TRMT9B: variants seen among roughly 807,000 people sequenced by gnomAD.
TRMT9B encodes tRNA methyltransferase 9B (putative).
TRMT9B carries 16 observed loss-of-function variants against 11.5 expected under a neutral mutation model. The ratio of observed to expected loss-of-function variants is 1.39; its 90% CI spans 0.94 to 2.11. TRMT9B has a LOEUF of 2.11. TRMT9B is among the 30% of genes most tolerant of loss of function. TRMT9B has a pLI of 0.00. For synonymous variants in TRMT9B, 274 were observed against 192.4 expected (o/e 1.42, Z -3.51); for missense variants, 941 against 553.8 (o/e 1.70, Z -7.02).
Position 13,005,639 on chromosome 8 carries a change from C to A in TRMT9B, c.-1-563C>A, listed in dbSNP as rs550536078. ...CTATATTTTACAAAAATAATTATGA[C>A]GTAATTGAAATTGGGAAAAGCATTG... On this transcript the variant is annotated intron_variant, in intron 2 of 4. Transcript: ENST00000524591. 8.5e-5 allele frequency among the ~76,000 whole-genome samples: 13 copies of A among 152,142 alleles called. No homozygotes were observed. In the South Asian group the frequency reaches 2.7e-3, roughly 32 times the overall value.
intron 1 of TRMT9B, among the ~76,000 whole-genome samples, chr8:12,968,948 A>C (rs1423188277): frequency 3.3e-5 from 5 of 152,232 alleles, no homozygotes; most frequent in African/African-American, 1.2e-4. Flanking sequence ...GAGGTGGCTC[A>C]TGCCTGTAAT....
At chr8:12,956,936 G>A (rs1249473739) in intron 1 of TRMT9B, among the ~76,000 whole-genome samples, 1 of 152,140 alleles carries the variant, frequency 6.6e-6, no homozygotes, top group Non-Finnish European at 1.5e-5. Context: ...AATTACATTA[G>A]CACATCAAGG....
chr8:13,014,939 T>G (rs576211792), intron 4 of TRMT9B, among the ~76,000 whole-genome samples: 188 of 152,038 alleles, frequency 1.2e-3, no homozygotes, highest in African/African-American at 4.2e-3. Flanking sequence ...TGAGCACTTG[T>G]AATCCCACTA....
At chr8:12,989,195 C>T (rs763817146) in intron 1 of TRMT9B, among the ~76,000 whole-genome samples, 5 of 152,080 alleles carry the variant, frequency 3.3e-5, no homozygotes, top group African/African-American at 1.2e-4. Flanking sequence ...CAGACCTTGC[C>T]CTAGAAGATG....
chr8:12,951,417 T>A (rs994413149), intron 1 of TRMT9B: 5 of 152,278 alleles, frequency 3.3e-5, no homozygotes, highest in Non-Finnish European at 5.9e-5. Flanking sequence ...GACCAGGTGC[T>A]CCCGCCGGGG....
chr8:13,028,394 ATT>A lies in TRMT9B; in HGVS notation c.*6353_*6354del, dbSNP rs1247510521. ...ATTAATACATCCACAGGAAAAATAC[ATT>A]TTCTCCACATGGAATATTGATTTTT... On this transcript the variant is annotated 3_prime_UTR_variant, in exon 5 of 5. Transcript: ENST00000524591. 6.0e-6 allele frequency: 1 copy of A among 166,864 alleles called. No homozygotes were observed. Among genetic ancestry groups the A allele is most frequent in the East Asian group, 1.9e-4 (1 of 5,182 alleles). The allele number at this position is 166,864 out of a possible 1,614,324, so 10.3% of individuals were successfully genotyped here.
intron 4 of TRMT9B, among the ~76,000 whole-genome samples, chr8:13,016,313 T>C (rs1161451493): frequency 2.1e-5 from 3 of 143,170 alleles, no homozygotes; most frequent in Non-Finnish European, 4.5e-5. Context: ...AGATGAGGCA[T>C]AAGAGAGATA....
chr8:12,950,377 C>T (rs901816868), intron 1 of TRMT9B, among the ~76,000 whole-genome samples: 3 of 152,192 alleles, frequency 2.0e-5, no homozygotes, highest in Non-Finnish European at 4.4e-5. Flanking sequence ...TCTCCTAATG[C>T]ACTGTTAGAA....
At chr8:12,957,048 G>A (rs147458046) in intron 1 of TRMT9B, among the ~76,000 whole-genome samples, 1 of 152,158 alleles carries the variant, frequency 6.6e-6, no homozygotes, top group Admixed American at 6.5e-5. Context: ...TAACAATAAG[G>A]TTATGATAGT....
chr8:13,010,590 G>A (rs2128893531), intron 3 of TRMT9B: 1 of 985,302 alleles, frequency 1.0e-6, no homozygotes, highest in Non-Finnish European at 1.2e-6. Flanking sequence ...CTAGGGCACT[G>A]GAAGCATGTC....
chr8:12,955,279 A>G lies in TRMT9B; in HGVS notation c.-200+9313A>G, dbSNP rs573659419. The stretch of plus-strand genomic sequence containing the variant: ...CTTCTCCACCCTAGACAGGCCTTTG[A>G]CTCAGCTAGGTTAAAGAAGTAACCT... On this transcript the variant is annotated intron_variant, in intron 1 of 4. Transcript: ENST00000524591. Among the ~76,000 whole-genome samples, 73 of 152,218 alleles carry G rather than the reference A, an allele frequency of 4.8e-4. 1 individual carries two copies. The highest frequency in any genetic ancestry group is 1.6e-3 in the African/African-American group (67 of 41,552).
At chr8:13,018,457 T>G (rs890965939) in intron 4 of TRMT9B, among the ~76,000 whole-genome samples, 1 of 151,482 alleles carries the variant, frequency 6.6e-6, no homozygotes, top group Non-Finnish European at 1.5e-5. Context: ...AAATTCTGAA[T>G]GTTGATGTAT....
intron 1 of TRMT9B, among the ~76,000 whole-genome samples, chr8:12,949,377 C>T (rs1476360337): frequency 1.3e-5 from 2 of 152,134 alleles, no homozygotes; most frequent in African/African-American, 4.8e-5. Flanking sequence ...TTTATCCTTT[C>T]CTCCTTTTTG....
chr8:13,011,229 G>C (rs1038140953), intron 3 of TRMT9B: 2 of 833,806 alleles, frequency 2.4e-6, no homozygotes, highest in African/African-American at 1.9e-5. Flanking sequence ...CAAGTGATCC[G>C]CCCACCACAG....
intron 3 of TRMT9B, chr8:13,010,445 A>G: frequency 2.0e-6 from 2 of 985,204 alleles, no homozygotes; most frequent in Non-Finnish European, 2.4e-6. Flanking sequence ...AGGTTTTTCC[A>G]CTTAGCTAAA....
At position 13,021,085 on chromosome 8, in the gene TRMT9B, C is replaced by T; in HGVS notation, c.406C>T (p.Gln136Ter). The change falls in exon 5 of 5, where the codon CAA (glutamine) becomes TAA (stop). Residue 136 changes from glutamine (Q) to a stop codon, truncating the protein, a stop_gained. Coordinates refer to ENST00000524591, the MANE Select transcript of TRMT9B (RefSeq NM_020844.3). LOFTEE classifies it low-confidence loss of function (END_TRUNC). The stretch of plus-strand genomic sequence containing the variant: ...GGCCAGGGTCTTAGTTCCCGGAGGC[C>T]AACTGATGATTTACGTTTGGGCAAT... Reference protein sequence around the residue: ...EMARVLVPGGQLMIYVWAMEQ... With the variant: ...EMARVLVPGG 6.2e-7 allele frequency: 1 copy of T among 1,607,878 alleles called. No individual in the cohort carries two copies. Among genetic ancestry groups the T allele is most frequent in the Non-Finnish European group, 8.5e-7 (1 of 1,176,624 alleles).
At chr8:13,019,157 G>A (rs181522837) in intron 4 of TRMT9B, among the ~76,000 whole-genome samples, 6 of 152,164 alleles carry the variant, frequency 3.9e-5, no homozygotes, top group Admixed American at 2.0e-4. Flanking sequence ...GGGCAAATTC[G>A]CAAATACAGA....
chr8:13,019,148 G>A (rs1397862160), intron 4 of TRMT9B, among the ~76,000 whole-genome samples: 1 of 151,918 alleles, frequency 6.6e-6, no homozygotes, highest in Non-Finnish European at 1.5e-5. Context: ...TTATCAAGTG[G>A]GCAAATTCGC....
chr8:12,978,721 G>A (rs1011327169), intron 1 of TRMT9B, among the ~76,000 whole-genome samples: 1 of 152,158 alleles, frequency 6.6e-6, no homozygotes, highest in Admixed American at 6.5e-5. Flanking sequence ...GACATACACA[G>A]CGTCTCAACT....
Sources: gnomAD v4.1 joint callset for allele counts (sites outside exome capture counted in the v4.1 genomes callset) on GRCh38, gnomAD v4.1.1 for gene constraint, MANE v1.5 for transcripts, NCBI Gene and HGNC (gene_info 2026-07-23, HGNC 2026-07-21) for gene names.